Variants in PLXNA4 observed in about 807,000 individuals in gnomAD.
The protein encoded by PLXNA4 is plexin A4.
PLXNA4 carries 44 observed loss-of-function variants against 191.8 expected under a neutral mutation model. That is an observed-to-expected ratio of 0.23 (90% CI 0.18 to 0.29). The LOEUF (loss-of-function observed/expected upper bound fraction) is 0.29. Ranked by LOEUF, PLXNA4 falls within the 10% of genes least tolerant of loss-of-function variation. The probability of loss-of-function intolerance (pLI) is 1.00; values close to 1 mark genes in which losing one functional copy is unlikely to be tolerated. For synonymous variants in PLXNA4, 1,082 were observed against 1,009.5 expected (o/e 1.07, Z -1.36); for missense variants, 1,800 against 2,488.8 (o/e 0.72, Z 5.89).
chr7:132,593,292 G>A (rs1239201832), intron 2 of PLXNA4, among the ~76,000 whole-genome samples: 1 of 131,108 alleles, frequency 7.6e-6, no homozygotes, highest in East Asian at 2.2e-4. Flanking sequence ...TCAGAGAACA[G>A]GTCTCAGGTC....
chr7:132,245,369 C>T (rs951162887), intron 4 of PLXNA4, among the ~76,000 whole-genome samples: 1 of 152,192 alleles, frequency 6.6e-6, no homozygotes, highest in Non-Finnish European at 1.5e-5. Flanking sequence ...ACCTTCGCTG[C>T]TTCTAGAGAT....
chr7:132,357,488 T>A (rs574942514), intron 3 of PLXNA4, among the ~76,000 whole-genome samples: 3 of 152,036 alleles, frequency 2.0e-5, no homozygotes, highest in Non-Finnish European at 2.9e-5. Flanking sequence ...GTAAATAGAG[T>A]AGTGCAATAG....
intron 3 of PLXNA4, among the ~76,000 whole-genome samples, chr7:132,435,260 C>G (rs1016892585): frequency 1.3e-5 from 2 of 151,918 alleles, no homozygotes; most frequent in Non-Finnish European, 2.9e-5. Flanking sequence ...ACCCATAGCC[C>G]CAGGGGAAAA....
chr7:132,419,641 G>A (rs1166165673), intron 3 of PLXNA4, among the ~76,000 whole-genome samples: 1 of 152,158 alleles, frequency 6.6e-6, no homozygotes, highest in Non-Finnish European at 1.5e-5. Context: ...GTTCCATTAA[G>A]TTGATTCATG....
intron 4 of PLXNA4, among the ~76,000 whole-genome samples, chr7:132,253,058 T>A (rs1232468387): frequency 6.6e-6 from 1 of 152,196 alleles, no homozygotes; most frequent in African/African-American, 2.4e-5. Flanking sequence ...GAGAGTTACA[T>A]ATTTGCTAAC....
intron 31 of PLXNA4, among the ~76,000 whole-genome samples, chr7:132,132,190 T>C (rs1370798786): frequency 2.6e-5 from 4 of 152,180 alleles, no homozygotes. Context: ...GCCTGTGTCT[T>C]CCTGAGCTTC....
intron 3 of PLXNA4, among the ~76,000 whole-genome samples, chr7:132,301,366 T>C (rs1393527504): frequency 2.0e-5 from 3 of 152,200 alleles, no homozygotes; most frequent in Non-Finnish European, 2.9e-5. Flanking sequence ...CTGTTATTTA[T>C]TGAGTGGCCA....
Position 132,130,563 on chromosome 7 carries a change from A to G in PLXNA4, c.5601T>C (p.Pro1867=). Residue 1867 remains proline (P), a synonymous_variant, in exon 32 of 32, where the codon CCT becomes CCC. Transcript: ENST00000321063. The part of the protein sequence containing the change: ...VGKYSEEILG[P]LDHDDQCGKQ... Reference sequence around the variant, plus strand: ...TCCCACACTGGTCATCGTGGTCCAGAGGTCCAAGGATCTGCGGAAGGGCCA... The same window carrying G: ...TCCCACACTGGTCATCGTGGTCCAGGGGTCCAAGGATCTGCGGAAGGGCCA... 6.2e-7 allele frequency: 1 copy of G among 1,614,106 alleles called. No individual in the cohort carries two copies. The highest frequency in any genetic ancestry group is 1.1e-5 in the South Asian group (1 of 91,080).
intron 2 of PLXNA4, among the ~76,000 whole-genome samples, chr7:132,599,325 CTAAT>C (rs1312207668): frequency 1.3e-5 from 2 of 152,084 alleles, no homozygotes; most frequent in African/African-American, 2.4e-5. Context: ...TAATTGGAGA[CTAAT>C]TGATATCTTT....
intron 4 of PLXNA4, among the ~76,000 whole-genome samples, chr7:132,273,005 AT>A (rs1408944404): frequency 6.6e-6 from 1 of 152,140 alleles, no homozygotes; most frequent in Admixed American, 6.6e-5. Context: ...GCTGTGTTTT[AT>A]TTAACTCTGT....
intron 1 of PLXNA4, among the ~76,000 whole-genome samples, chr7:132,514,811 C>T (rs2116316302): frequency 6.6e-6 from 1 of 152,224 alleles, no homozygotes; most frequent in East Asian, 1.9e-4. Flanking sequence ...TGCACACACA[C>T]ACACACACAC....
intron 1 of PLXNA4, among the ~76,000 whole-genome samples, chr7:132,555,728 A>C (rs1157008351): frequency 6.6e-6 from 1 of 152,236 alleles, no homozygotes; most frequent in Admixed American, 6.5e-5. Context: ...AAAATGCATC[A>C]GCTTAAACAG....
At position 132,350,834 on chromosome 7, in the gene PLXNA4, A is replaced by T. The variant is rs573612520; in HGVS notation, c.1372-52612T>A. ...CATATATCCAGACAAAAATGTATAC[A>T]CAAATGTTCATAGCAGCATTATTCA... On this transcript the variant is annotated intron_variant, in intron 3 of 31. Coordinates refer to ENST00000321063, the MANE Select transcript of PLXNA4 (RefSeq NM_020911.2). Among the ~76,000 whole-genome samples the T allele has an allele frequency of 3.9e-5, 6 of 152,362 alleles. No individual in the cohort carries two copies. The South Asian group carries it at 1.2e-3, about 32-fold the overall frequency.
intron 31 of PLXNA4, among the ~76,000 whole-genome samples, chr7:132,132,497 T>TTTCTATTCTATTCTA (rs1159802824): frequency 9.8e-5 from 11 of 111,924 alleles, no homozygotes; most frequent in African/African-American, 3.8e-4. Context: ...GCTCTATTCT[T>TTTCTATTCTATTCTA]TTCTATTCTA....
rs143494870 is a variant in PLXNA4, at chr7:132,132,698, G to A, written c.5589+351C>T. Among the ~76,000 whole-genome samples the A allele has an allele frequency of 3.1e-3, 465 of 151,982 alleles. 9 individuals carry two copies. In the South Asian group the frequency reaches 0.038, roughly 12 times the overall value. The stretch of plus-strand genomic sequence containing the variant: ...CCATACAATGCCATACCACATAGCC[G>A]GCCCATAGGAGTGAGGAGGTGCCTG... On this transcript the variant is annotated intron_variant, in intron 31 of 31. Coordinates refer to ENST00000321063, the MANE Select transcript of PLXNA4 (RefSeq NM_020911.2).
chr7:132,486,544 C>G (rs983482939), intron 3 of PLXNA4, among the ~76,000 whole-genome samples: 1 of 152,224 alleles, frequency 6.6e-6, no homozygotes, highest in Non-Finnish European at 1.5e-5. Flanking sequence ...GGCTGCCACT[C>G]CAAGCCTGCA....
intron 3 of PLXNA4, among the ~76,000 whole-genome samples, chr7:132,411,790 CCA>C (rs1161937172): frequency 1.3e-5 from 2 of 152,206 alleles, no homozygotes; most frequent in African/African-American, 4.8e-5. Context: ...CATTTCCACA[CCA>C]CAGACTTCCC....
chr7:132,441,293 C>T (rs1308359930), intron 3 of PLXNA4, among the ~76,000 whole-genome samples: 1 of 152,196 alleles, frequency 6.6e-6, no homozygotes. Context: ...TGTCAACGAA[C>T]TTGTCATAAG....
chr7:132,360,583 C>G (rs1327294084), intron 3 of PLXNA4, among the ~76,000 whole-genome samples: 1 of 152,176 alleles, frequency 6.6e-6, no homozygotes, highest in East Asian at 1.9e-4. Context: ...ACAGGTCTTG[C>G]AGTGACATCT....
Sources: gnomAD v4.1 joint callset for allele counts (sites outside exome capture counted in the v4.1 genomes callset) on GRCh38, gnomAD v4.1.1 for gene constraint, MANE v1.5 for transcripts, NCBI Gene and HGNC (gene_info 2026-07-23, HGNC 2026-07-21) for gene names.